Variants in KIAA0040 observed in about 807,000 individuals in gnomAD.
The protein encoded by KIAA0040 is KIAA0040.
In KIAA0040, 10 loss-of-function variants were observed where a neutral mutation model predicts 7.2. The observed-to-expected ratio is 1.38, with a 90% CI of 0.85 to 2.34. The LOEUF (loss-of-function observed/expected upper bound fraction) is 2.34, where lower values mean the gene tolerates loss of function less well. KIAA0040 is among the 30% of genes most tolerant of loss of function. The pLI is 0.00. For synonymous variants in KIAA0040, 49 were observed against 40.1 expected (o/e 1.22, Z -0.84); for missense variants, 89 against 108.2 (o/e 0.82, Z 0.79).
rs1676299167 is a variant in KIAA0040 at position 175,157,085 on chromosome 1, ACT to A, written c.*3627_*3628del. 1 of 152,238 alleles carries A rather than the reference ACT, an allele frequency of 6.6e-6. No individual in the cohort carries two copies. Among genetic ancestry groups the A allele is most frequent in the Non-Finnish European group, 1.5e-5 (1 of 68,058 alleles). 9.4% of individuals were successfully genotyped at this position (152,238 alleles called of 1,614,324 possible). A position where few individuals can be genotyped will look rare whatever the true frequency, so the allele number is the denominator to read the frequency against. On this transcript the variant is annotated 3_prime_UTR_variant, in exon 4 of 4. Transcript: ENST00000423313. Reference sequence around the variant, plus strand: ...GAACCATATTGAACAGTGTACACACACTTACACACACACATACACACAGTTTT... The same window carrying A: ...GAACCATATTGAACAGTGTACACACATACACACACACATACACACAGTTTT...
intron 2 of KIAA0040, among the ~76,000 whole-genome samples, chr1:175,177,200 T>C (rs183348429): frequency 7.9e-5 from 12 of 152,334 alleles, no homozygotes; most frequent in Admixed American, 5.9e-4. Context: ...CACCAGACTT[T>C]AGGCTTTATC....
chr1:175,168,832 G>C (rs749360498), intron 2 of KIAA0040, among the ~76,000 whole-genome samples: 2 of 152,214 alleles, frequency 1.3e-5, no homozygotes, highest in Non-Finnish European at 2.9e-5. Flanking sequence ...ATACTTCTCA[G>C]CCCCTTACGT....
At chr1:175,166,132 T>C (rs1264620423) in intron 3 of KIAA0040, among the ~76,000 whole-genome samples, 1 of 152,160 alleles carries the variant, frequency 6.6e-6, no homozygotes, top group Non-Finnish European at 1.5e-5. Context: ...CTGCGACTGC[T>C]GACTCCTGGA....
chr1:175,165,408 G>T (rs1472401983), intron 3 of KIAA0040, among the ~76,000 whole-genome samples: 2 of 152,198 alleles, frequency 1.3e-5, no homozygotes, highest in Non-Finnish European at 2.9e-5. Context: ...CCATAAAATA[G>T]TGAGTTATCT....
chr1:175,163,114 G>T (rs577753394), intron 3 of KIAA0040, among the ~76,000 whole-genome samples: 1 of 152,170 alleles, frequency 6.6e-6, no homozygotes, highest in Non-Finnish European at 1.5e-5. Context: ...CTCCAGATCC[G>T]CAAGGAGTGA....
intron 2 of KIAA0040, among the ~76,000 whole-genome samples, chr1:175,169,787 C>T (rs1184109426): frequency 6.6e-6 from 1 of 152,126 alleles, no homozygotes; most frequent in Non-Finnish European, 1.5e-5. Flanking sequence ...ACTTCCTTCC[C>T]CTCTCTGCAG....
intron 1 of KIAA0040, among the ~76,000 whole-genome samples, chr1:175,190,711 G>A (rs577888718): frequency 5.9e-5 from 9 of 152,250 alleles, no homozygotes; most frequent in Admixed American, 3.3e-4. Context: ...TCTTAGCTGA[G>A]GTCTTAATTA....
chr1:175,160,733 C>A lies in KIAA0040; in HGVS notation c.281G>T (p.Arg94Ile). 1 of 1,548,594 alleles carries A rather than the reference C, an allele frequency of 6.5e-7. No individual in the cohort carries two copies. The highest frequency in any genetic ancestry group is 1.2e-5 in the South Asian group (1 of 83,806). ...AQPKLLQMEK[R>I]PSLPV The stretch of plus-strand genomic sequence containing the variant: ...GCCTAACTAAACAGGCAGTGATGGT[C>A]TCTTCTCCATCTGGAGAAGCTTGGG... The change falls in exon 4 of 4, where the codon AGA (arginine) becomes ATA (isoleucine). Residue 94 changes from arginine (R) to isoleucine (I), a missense_variant. By Grantham distance (97) the Arg-to-Ile change is moderately conservative. Coordinates refer to ENST00000423313, the MANE Select transcript of KIAA0040 (RefSeq NM_014656.3).
intron 2 of KIAA0040, among the ~76,000 whole-genome samples, chr1:175,167,905 T>C (rs1194995027): frequency 6.6e-6 from 1 of 151,928 alleles, no homozygotes; most frequent in African/African-American, 2.4e-5. Context: ...TTTTTTCCTT[T>C]CCAAAACAGG....
chr1:175,171,159 G>A (rs1676976635), intron 2 of KIAA0040, among the ~76,000 whole-genome samples: 1 of 152,180 alleles, frequency 6.6e-6, no homozygotes, highest in South Asian at 2.1e-4. Flanking sequence ...CTTATCAGGA[G>A]GCCTTTTTCT....
At chr1:175,191,572 A>C (rs775740403) in intron 1 of KIAA0040, among the ~76,000 whole-genome samples, 1 of 152,358 alleles carries the variant, frequency 6.6e-6, no homozygotes, top group East Asian at 1.9e-4. Flanking sequence ...AAAGGCTGGT[A>C]AGACGCTTGC....
intron 2 of KIAA0040, among the ~76,000 whole-genome samples, chr1:175,170,127 G>A (rs180735819): frequency 1.1e-3 from 174 of 152,304 alleles, no homozygotes; most frequent in Non-Finnish European, 2.0e-3. Context: ...ACAGCGCTAA[G>A]GGCAGGACCT....
At chr1:175,163,435 T>C (rs1267163415) in intron 3 of KIAA0040, among the ~76,000 whole-genome samples, 1 of 152,190 alleles carries the variant, frequency 6.6e-6, no homozygotes, top group African/African-American at 2.4e-5. Flanking sequence ...AGGAGTCATG[T>C]CCTCTCATCC....
intron 2 of KIAA0040, among the ~76,000 whole-genome samples, chr1:175,172,649 T>C (rs558962027): frequency 7.5e-4 from 115 of 152,344 alleles, no homozygotes; most frequent in Admixed American, 1.5e-3. Flanking sequence ...ACTTAAGTGC[T>C]TTTTCCATTT....
intron 2 of KIAA0040, among the ~76,000 whole-genome samples, chr1:175,167,029 T>C (rs1330518432): frequency 6.6e-6 from 1 of 152,100 alleles, no homozygotes; most frequent in Non-Finnish European, 1.5e-5. Context: ...AAACCAAACA[T>C]TCATCAAAGA....
intron 1 of KIAA0040, among the ~76,000 whole-genome samples, chr1:175,183,026 G>A (rs894057581): frequency 6.6e-6 from 1 of 152,234 alleles, no homozygotes; most frequent in Non-Finnish European, 1.5e-5. Flanking sequence ...GAATGCTCAG[G>A]CCTGTAAAAC....
At chr1:175,187,754 C>G (rs957301924) in intron 1 of KIAA0040, among the ~76,000 whole-genome samples, 1 of 152,180 alleles carries the variant, frequency 6.6e-6, no homozygotes, top group Non-Finnish European at 1.5e-5. Flanking sequence ...CCCTACACCA[C>G]CTCTGAACCT....
At chr1:175,187,442 T>C (rs1247812908) in intron 1 of KIAA0040, among the ~76,000 whole-genome samples, 3 of 152,192 alleles carry the variant, frequency 2.0e-5, no homozygotes, top group Non-Finnish European at 4.4e-5. Flanking sequence ...GATAATCACA[T>C]GCAGAGGGGC....
At chr1:175,169,940 C>T (rs185368290) in intron 2 of KIAA0040, among the ~76,000 whole-genome samples, 1 of 152,292 alleles carries the variant, frequency 6.6e-6, no homozygotes, top group East Asian at 1.9e-4. Flanking sequence ...TGTGTCAGTT[C>T]CGGTCCTGGC....
Sources: gnomAD v4.1 joint callset for allele counts (sites outside exome capture counted in the v4.1 genomes callset) on GRCh38, gnomAD v4.1.1 for gene constraint, MANE v1.5 for transcripts, NCBI Gene and HGNC (gene_info 2026-07-23, HGNC 2026-07-21) for gene names.